STK3: variants seen among roughly 807,000 people sequenced by gnomAD.
The protein encoded by STK3 is serine/threonine kinase 3.
In STK3, 41 loss-of-function variants were observed where a neutral mutation model predicts 58.0. That is an observed-to-expected ratio of 0.71 (90% CI 0.55 to 0.92). The LOEUF is 0.92. STK3 is among the 40% of genes least tolerant of loss of function. The pLI is 0.00. For missense variants in STK3, 479 were observed against 602.7 expected, an observed-to-expected ratio of 0.79 and a Z score of 2.15; for synonymous variants, 170 against 191.0, an observed-to-expected ratio of 0.89 and a Z score of 0.91.
intron 10 of STK3, among the ~76,000 whole-genome samples, chr8:98,458,032 C>T (rs888097802): frequency 6.6e-6 from 1 of 152,062 alleles, no homozygotes; most frequent in African/African-American, 2.4e-5. Context: ...ATTAGGTGTT[C>T]ATGTAAGTAA....
At chr8:98,761,689 C>T (rs1455677477) in intron 3 of STK3, among the ~76,000 whole-genome samples, 1 of 152,150 alleles carries the variant, frequency 6.6e-6, no homozygotes, top group Admixed American at 6.5e-5. Flanking sequence ...CAGCATAAAT[C>T]TCAATCACAC....
At chr8:98,616,787 T>C (rs1351991231) in intron 6 of STK3, among the ~76,000 whole-genome samples, 128 of 151,098 alleles carry the variant, frequency 8.5e-4, no homozygotes, top group African/African-American at 2.9e-3. Context: ...ATGCACCCAA[T>C]ACAGGAGCAC....
chr8:98,622,191 C>T (rs1171530298), intron 6 of STK3, among the ~76,000 whole-genome samples: 3 of 151,534 alleles, frequency 2.0e-5, no homozygotes, highest in Non-Finnish European at 4.4e-5. Flanking sequence ...ATCTCTTGAA[C>T]CCAGGAGGCA....
chr8:98,736,393 A>G (rs930930205), intron 4 of STK3, among the ~76,000 whole-genome samples: 1 of 152,174 alleles, frequency 6.6e-6, no homozygotes, highest in African/African-American at 2.4e-5. Context: ...TTATTCTAGG[A>G]GCCAGTTCTC....
chr8:98,367,024 G>A (rs945527746), downstream of STK3, among the ~76,000 whole-genome samples: 1 of 152,216 alleles, frequency 6.6e-6, no homozygotes, highest in African/African-American at 2.4e-5. Flanking sequence ...AGACAAAGTA[G>A]AGACTGGAAC....
chr8:98,748,698 G>C (rs1243734876), intron 4 of STK3, among the ~76,000 whole-genome samples: 1 of 151,814 alleles, frequency 6.6e-6, no homozygotes, highest in Non-Finnish European at 1.5e-5. Flanking sequence ...TTTGTAAATA[G>C]CACTTCTAGT....
intron 3 of STK3, among the ~76,000 whole-genome samples, chr8:98,408,547 A>G (rs4130405): frequency 1.3e-5 from 2 of 152,088 alleles, no homozygotes; most frequent in African/African-American, 4.8e-5. Context: ...ACGCACAACA[A>G]TTTATTCTCA....
intron 10 of STK3, among the ~76,000 whole-genome samples, chr8:98,457,847 C>T (rs1441372905): frequency 6.6e-6 from 1 of 152,052 alleles, no homozygotes; most frequent in African/African-American, 2.4e-5. Flanking sequence ...TTTACTGGGG[C>T]AAACTGCCAA....
intron 10 of STK3, among the ~76,000 whole-genome samples, chr8:98,469,728 C>G (rs1414808912): frequency 3.3e-5 from 5 of 152,144 alleles, no homozygotes; most frequent in Non-Finnish European, 7.4e-5. Context: ...AATTTCAGTT[C>G]AGTCTTAAAA....
intron 7 of STK3, among the ~76,000 whole-genome samples, chr8:98,583,988 C>A (rs1034691287): frequency 6.5e-4 from 99 of 151,892 alleles, no homozygotes; most frequent in Admixed American, 2.3e-3. Flanking sequence ...AACCTTCTCT[C>A]TGTAGGGTTT....
downstream of STK3, chr8:98,881,312 T>G (rs987439230): frequency 1.3e-5 from 2 of 152,172 alleles, no homozygotes; most frequent in African/African-American, 4.8e-5. Flanking sequence ...TATATGACAT[T>G]CTGGAAAAGG....
At chr8:98,649,156 C>T (rs1587148315) in intron 6 of STK3, among the ~76,000 whole-genome samples, 7 of 151,162 alleles carry the variant, frequency 4.6e-5, no homozygotes, top group Admixed American at 2.6e-4. Flanking sequence ...ATTTGCATTT[C>T]TGTCAACTAT....
chr8:98,801,414 T>C (rs1421393951), intron 1 of STK3, among the ~76,000 whole-genome samples: 1 of 152,032 alleles, frequency 6.6e-6, no homozygotes, highest in Non-Finnish European at 1.5e-5. Flanking sequence ...GTTCTTTCGC[T>C]CTTTGCAATA....
chr8:98,373,759 ATATAACT>A (rs1817640873), intron 2 of STK3, among the ~76,000 whole-genome samples: 1 of 152,220 alleles, frequency 6.6e-6, no homozygotes, highest in Non-Finnish European at 1.5e-5. Context: ...TGAATGTCTT[ATATAACT>A]TATCCTGTCA....
rs1192573278 is a variant in STK3, at chr8:98,470,761, C to G, written c.1318-14761G>C. On this transcript the variant is annotated intron_variant, in intron 10 of 10. Transcript: ENST00000419617. ...GGGTGACAGCATAAGCTTCCCCAAC[C>G]CTTGGTAAATCTCTGCTCTAAGTAT... 2.0e-5 allele frequency among the ~76,000 whole-genome samples: 3 copies of G among 152,118 alleles called. No homozygotes were observed. In the East Asian group the frequency reaches 5.8e-4, roughly 29 times the overall value.
At chr8:98,401,793 C>T (rs1817946351) in intron 3 of STK3, among the ~76,000 whole-genome samples, 1 of 152,150 alleles carries the variant, frequency 6.6e-6, no homozygotes, top group South Asian at 2.1e-4. Flanking sequence ...TCTCTCCCTG[C>T]TATGAAGAGT....
chr8:98,543,960 A>G (rs755365829), intron 9 of STK3, among the ~76,000 whole-genome samples: 1 of 152,208 alleles, frequency 6.6e-6, no homozygotes, highest in African/African-American at 2.4e-5. Context: ...ACATTAGGGC[A>G]GTGGAGTTTA....
chr8:98,932,090 A>G (rs1259117348), intron 1 of STK3, among the ~76,000 whole-genome samples: 1 of 152,240 alleles, frequency 6.6e-6, no homozygotes, highest in African/African-American at 2.4e-5. Flanking sequence ...CCTGATGGTA[A>G]CAATAATTAA....
At chr8:98,780,595 T>C (rs878967950) in intron 1 of STK3, among the ~76,000 whole-genome samples, 3 of 152,096 alleles carry the variant, frequency 2.0e-5, no homozygotes, top group African/African-American at 2.4e-5. Flanking sequence ...ATATAAAAAA[T>C]GTCATTATTT....
Sources: gnomAD v4.1 joint callset for allele counts (sites outside exome capture counted in the v4.1 genomes callset) on GRCh38, gnomAD v4.1.1 for gene constraint, MANE v1.5 for transcripts, NCBI Gene and HGNC (gene_info 2026-07-23, HGNC 2026-07-21) for gene names.